The following CGNL1 variants were observed in gnomAD, a reference collection of about 807,000 sequenced individuals.
CGNL1 encodes the protein cingulin like 1, also known as cingulin-like protein 1.
Under a neutral mutation model 141.2 loss-of-function variants are expected in CGNL1, and 132 were observed. The observed-to-expected ratio is 0.93, with a 90% CI of 0.81 to 1.08. CGNL1 has a LOEUF of 1.08. Ranked by LOEUF, CGNL1 falls within the 50% of genes least tolerant of loss-of-function variation. CGNL1 has a pLI of 0.00. For missense variants in CGNL1, 1,870 were observed against 1,588.6 expected (o/e 1.18, Z -3.01); for synonymous variants, 690 against 622.1 (o/e 1.11, Z -1.63).
chr15:57,468,202 T>G (rs2063533250), intron 8 of CGNL1, among the ~76,000 whole-genome samples: 6 of 151,510 alleles, frequency 4.0e-5, no homozygotes. Flanking sequence ...TTTTCTTCCT[T>G]TTTTTCTTTC....
rs1460472062 is a variant in CGNL1, at chr15:57,550,211, A to G, written c.*2721A>G. ...GTATAGTGGAGTGGGAAGAGTTGAGACTGAAAGTTAAGAGAAGGGTTTTCA... is the reference window on the plus strand; with the variant it reads ...GTATAGTGGAGTGGGAAGAGTTGAGGCTGAAAGTTAAGAGAAGGGTTTTCA... On this transcript the variant is annotated 3_prime_UTR_variant, in exon 19 of 19. Transcript: ENST00000281282. 3 of 152,356 alleles carry G rather than the reference A, an allele frequency of 2.0e-5. No individual in the cohort carries two copies. Among genetic ancestry groups the G allele is most frequent in the African/African-American group, 7.2e-5 (3 of 41,450 alleles). The allele number at this position is 152,356 out of a possible 1,614,324, so 9.4% of individuals were successfully genotyped here.
chr15:57,388,423 A>G (rs1023207121), intron 1 of CGNL1, among the ~76,000 whole-genome samples: 1 of 152,206 alleles, frequency 6.6e-6, no homozygotes, highest in Admixed American at 6.5e-5. Flanking sequence ...GAGGTTGCCA[A>G]GGTGGGCAGT....
At chr15:57,487,905 A>T (rs1338864202) in intron 8 of CGNL1, among the ~76,000 whole-genome samples, 1 of 152,184 alleles carries the variant, frequency 6.6e-6, no homozygotes, top group Non-Finnish European at 1.5e-5. Flanking sequence ...GCATGGACGG[A>T]CGTTTTCATT....
chr15:57,438,986 T>G lies in CGNL1; in HGVS notation c.987T>G (p.His329Gln), dbSNP rs1362941043. Residue 329 changes from histidine (H) to glutamine (Q), a missense_variant, in exon 2 of 19, where the codon CAT (histidine) becomes CAG (glutamine). Coordinates refer to ENST00000281282, the MANE Select transcript of CGNL1 (RefSeq NM_032866.5). Reference protein sequence around the residue: ...CAIHADNVNRHENRRYIPFLP... With the variant: ...CAIHADNVNRQENRRYIPFLP... ...TCCATGCCGACAACGTCAATCGTCA[T>G]GAAAACAGAAGGTATATTCCCTTCC... is the stretch of plus-strand genomic sequence containing the variant. 2 of 1,614,180 alleles carry G rather than the reference T, an allele frequency of 1.2e-6. No individual in the cohort carries two copies. Among genetic ancestry groups the G allele is most frequent in the South Asian group, 1.1e-5 (1 of 91,082 alleles).
intron 4 of CGNL1, among the ~76,000 whole-genome samples, chr15:57,447,745 T>G (rs2063272416): frequency 6.6e-6 from 1 of 152,106 alleles, no homozygotes; most frequent in Non-Finnish European, 1.5e-5. Flanking sequence ...TCCAATTACA[T>G]GTATCTTAGA....
chr15:57,524,046 C>T (rs2140138617), intron 11 of CGNL1, among the ~76,000 whole-genome samples: 1 of 152,298 alleles, frequency 6.6e-6, no homozygotes, highest in Admixed American at 6.5e-5. Context: ...ATGTCTGCCC[C>T]ACCATACCCA....
At chr15:57,491,669 C>A (rs1417795955) in intron 8 of CGNL1, among the ~76,000 whole-genome samples, 1 of 152,096 alleles carries the variant, frequency 6.6e-6, no homozygotes, top group African/African-American at 2.4e-5. Context: ...GATAATGATG[C>A]CCATGATGTA....
At chr15:57,536,201 T>C (rs1299412588) in intron 14 of CGNL1, among the ~76,000 whole-genome samples, 2 of 152,148 alleles carry the variant, frequency 1.3e-5, no homozygotes, top group Admixed American at 6.5e-5. Flanking sequence ...TTCACTATTA[T>C]GAGAACAGCA....
chr15:57,497,571 T>C (rs1430844404), intron 8 of CGNL1, among the ~76,000 whole-genome samples: 1 of 152,230 alleles, frequency 6.6e-6, no homozygotes, highest in Non-Finnish European at 1.5e-5. Flanking sequence ...CTGCTTCTTA[T>C]TTAACATAAA....
intron 8 of CGNL1, among the ~76,000 whole-genome samples, chr15:57,503,175 G>T (rs1333988339): frequency 1.3e-5 from 2 of 152,220 alleles, no homozygotes; most frequent in African/African-American, 4.8e-5. Context: ...GGCGGGGGCT[G>T]CCAGGCTCTC....
In CGNL1 at chr15:57,438,916, C is replaced by G. The variant is rs1395304819; in HGVS notation, c.917C>G (p.Ala306Gly). 1 of 1,614,202 alleles carries G rather than the reference C, an allele frequency of 6.2e-7. No homozygotes were observed. Among genetic ancestry groups the G allele is most frequent in the Admixed American group, 1.7e-5 (1 of 60,032 alleles). ...SSSSSTTPTS[A>G]NSLYRFLLDD... ...TCGTCATCCACAACTCCCACGTCAG[C>G]CAACTCTTTGTACAGGTTTTTACTG... Residue 306 changes from alanine to glycine, a missense_variant, in exon 2 of 19, where the codon GCC (alanine) becomes GGC (glycine). Coordinates refer to ENST00000281282, the MANE Select transcript of CGNL1 (RefSeq NM_032866.5).
intron 1 of CGNL1, among the ~76,000 whole-genome samples, chr15:57,437,190 A>G (rs915496802): frequency 6.6e-6 from 1 of 152,208 alleles, no homozygotes; most frequent in Non-Finnish European, 1.5e-5. Context: ...GGCAACGGCA[A>G]CTATTCTTGG....
chr15:57,490,469 C>T (rs1254317565), intron 8 of CGNL1, among the ~76,000 whole-genome samples: 4 of 151,960 alleles, frequency 2.6e-5, no homozygotes, highest in Admixed American at 6.6e-5. Flanking sequence ...GACACAGGAA[C>T]GAAATACAGA....
At chr15:57,436,330 G>C (rs1319888578) in intron 1 of CGNL1, among the ~76,000 whole-genome samples, 1 of 152,188 alleles carries the variant, frequency 6.6e-6, no homozygotes, top group Non-Finnish European at 1.5e-5. Context: ...TTCCAGGAAA[G>C]CTATTTAAAA....
chr15:57,432,691 G>T (rs1239686778), intron 1 of CGNL1, among the ~76,000 whole-genome samples: 2 of 152,224 alleles, frequency 1.3e-5, no homozygotes, highest in Admixed American at 6.5e-5. Flanking sequence ...GAGAACAGCT[G>T]TCCCTAAATT....
At position 57,439,250 on chromosome 15, in the gene CGNL1, C is replaced by T. The variant is rs1390700121; in HGVS notation, c.1251C>T (p.His417=). The change falls in exon 2 of 19, where the codon CAC becomes CAT. Residue 417 remains histidine, a synonymous_variant. Coordinates refer to ENST00000281282, the MANE Select transcript of CGNL1 (RefSeq NM_032866.5). The part of the protein sequence containing the change: ...FSRNLGKSSE[H]LLRPSQVCPQ... ...GGAACTTGGGCAAGTCAAGCGAACA[C>T]CTCCTCCGGCCTTCCCAGGTGTGCC... 1 of 1,614,100 alleles carries T rather than the reference C, an allele frequency of 6.2e-7. No homozygotes were observed. The highest frequency in any genetic ancestry group is 2.2e-5 in the East Asian group (1 of 44,876).
chr15:57,458,724 ACT>A (rs1206191224), intron 7 of CGNL1, among the ~76,000 whole-genome samples: 9 of 151,772 alleles, frequency 5.9e-5, no homozygotes, highest in Admixed American at 6.6e-5. Context: ...TTCAGGAGAG[ACT>A]CTGATCTTCC....
intron 1 of CGNL1, among the ~76,000 whole-genome samples, chr15:57,416,624 C>T (rs991549974): frequency 1.3e-5 from 2 of 152,188 alleles, no homozygotes; most frequent in Non-Finnish European, 2.9e-5. Context: ...TCAGAAGGCA[C>T]TTGGTATCAC....
Position 57,544,600 on chromosome 15 carries a change from G to A in CGNL1, c.3500+3G>A. On this transcript the variant is annotated splice_donor_region_variant and intron_variant, in intron 16 of 18. Coordinates refer to ENST00000281282, the MANE Select transcript of CGNL1 (RefSeq NM_032866.5). ...GACCGCCTGGAGAGTGAGGAGAGGT[G>A]AGCCGGGCCCACCCACTGCAGTGCG... 1 of 1,571,912 alleles carries A rather than the reference G, an allele frequency of 6.4e-7. No individual in the cohort carries two copies. Among genetic ancestry groups the A allele is most frequent in the Non-Finnish European group, 8.6e-7 (1 of 1,157,980 alleles).
Sources: allele counts gnomAD v4.1 joint callset (sites outside exome capture counted in the v4.1 genomes callset), GRCh38; gene constraint gnomAD v4.1.1; transcripts MANE v1.5; gene names NCBI Gene and HGNC (gene_info 2026-07-23, HGNC 2026-07-21).